PRKCA: variants seen among roughly 807,000 people sequenced by gnomAD.
The protein encoded by PRKCA is protein kinase C alpha.
A neutral mutation model predicts 87.0 loss-of-function variants in PRKCA; 27 were observed. The ratio of observed to expected loss-of-function variants is 0.31; its 90% confidence interval spans 0.23 to 0.43. The LOEUF (loss-of-function observed/expected upper bound fraction) is 0.43, where lower values mean the gene tolerates loss of function less well. PRKCA is among the 20% of genes least tolerant of loss of function. PRKCA has a pLI of 1.00. For synonymous variants in PRKCA, 329 were observed against 311.1 expected (o/e 1.06, Z -0.61); for missense variants, 518 against 852.3 (o/e 0.61, Z 4.88).
chr17:66,522,813 A>AG (rs1967209335), intron 3 of PRKCA, among the ~76,000 whole-genome samples: 1 of 151,422 alleles, frequency 6.6e-6, no homozygotes, highest in African/African-American at 2.4e-5. Flanking sequence ...GCTCACTAAA[A>AG]AAAAAAAAAA....
chr17:66,561,100 C>T (rs1466288405), intron 3 of PRKCA, among the ~76,000 whole-genome samples: 2 of 152,140 alleles, frequency 1.3e-5, no homozygotes, highest in East Asian at 3.9e-4. Context: ...TACAGTTTTC[C>T]ACAAAACATA....
In PRKCA at chr17:66,807,580, A is replaced by C. The variant is rs567465928; in HGVS notation, c.*3543A>C. On this transcript the variant is annotated 3_prime_UTR_variant, in exon 17 of 17. Transcript: ENST00000413366. This position sits in a 1 kb window ranked among gnomAD's most constrained non-coding sequence, Gnocchi z 4.3. The stretch of plus-strand genomic sequence containing the variant: ...TTCATCCACTGGCCTCGTGTGGTCC[A>C]TGCAGGGCCACTGTCTGCCCTTTCT... The C allele has an allele frequency of 6.6e-6, 1 of 152,384 alleles. No individual in the cohort carries two copies. Among genetic ancestry groups the C allele is most frequent in the East Asian group, 1.9e-4 (1 of 5,188 alleles). 9.4% of individuals were successfully genotyped at this position (152,384 alleles called of 1,614,324 possible). A position where few individuals can be genotyped will look rare whatever the true frequency, so the allele number is the denominator to read the frequency against.
intron 13 of PRKCA, among the ~76,000 whole-genome samples, chr17:66,751,794 A>C (rs560056417): frequency 6.6e-6 from 1 of 151,608 alleles, no homozygotes; most frequent in East Asian, 1.9e-4. Flanking sequence ...AAGCATGGCT[A>C]GGGGGGGTCT....
At chr17:66,545,442 A>G (rs1001760699) in intron 3 of PRKCA, among the ~76,000 whole-genome samples, 4 of 152,094 alleles carry the variant, frequency 2.6e-5, no homozygotes, top group African/African-American at 9.7e-5. Context: ...AAAACAGATA[A>G]TTTATCTACA....
rs7218998 is a variant in PRKCA, at chr17:66,434,125, G to A, written c.206-62076G>A. Among the ~76,000 whole-genome samples the A allele has an allele frequency of 9.0e-3, 1,363 of 151,904 alleles. 25 individuals are homozygous for A. Among genetic ancestry groups the A allele is most frequent in the African/African-American group, 0.031 (1,304 of 41,440 alleles). On this transcript the variant is annotated intron_variant, in intron 2 of 16. Transcript: ENST00000413366. ...TTCTTGGGCCTCTTGCTGTCACCCT[G>A]GGCTTGTCAGGTGCCAGCAGGAACT...
intron 8 of PRKCA, among the ~76,000 whole-genome samples, chr17:66,701,219 G>A (rs1298339917): frequency 6.6e-6 from 1 of 152,130 alleles, no homozygotes; most frequent in Non-Finnish European, 1.5e-5. Context: ...TGAATAAAAG[G>A]TGTTGGGAAA....
intron 3 of PRKCA, among the ~76,000 whole-genome samples, chr17:66,587,536 A>G (rs1969633687): frequency 6.6e-6 from 1 of 152,010 alleles, no homozygotes; most frequent in African/African-American, 2.4e-5. Context: ...GAGGACAGCT[A>G]GATTGCTTCC....
At chr17:66,717,776 C>A (rs1973514160) in intron 8 of PRKCA, among the ~76,000 whole-genome samples, 1 of 152,320 alleles carries the variant, frequency 6.6e-6, no homozygotes, top group East Asian at 1.9e-4. Flanking sequence ...GCATCCTAGG[C>A]AGGTCAGACT....
intron 1 of PRKCA, 85 bp downstream of exon 1, chr17:66,303,109 G>T: frequency 2.0e-6 from 3 of 1,529,516 alleles, no homozygotes; most frequent in Non-Finnish European, 8.8e-7. Context: ...CCGCCCCGGG[G>T]CTGGCTCACT....
At chr17:66,704,513 G>A (rs1223367072) in intron 8 of PRKCA, among the ~76,000 whole-genome samples, 1 of 152,140 alleles carries the variant, frequency 6.6e-6, no homozygotes. Context: ...AGTAATATTG[G>A]GATGACTGAA....
At position 66,437,731 on chromosome 17, in the gene PRKCA, T is replaced by TTTTTTTTTTTTGGG. The variant is rs55779501; in HGVS notation, c.206-58470_206-58469insTTTTTTTTTTTGGG. Among the ~76,000 whole-genome samples, 20 of 11,136 alleles carry TTTTTTTTTTTTGGG rather than the reference T, an allele frequency of 1.8e-3. 1 individual carries two copies. Among genetic ancestry groups the TTTTTTTTTTTTGGG allele is most frequent in the Non-Finnish European group, 2.1e-3 (13 of 6,108 alleles). The allele number at this position is 11,136 out of a possible 152,430, so 7.3% of individuals were successfully genotyped here. A position where few individuals can be genotyped will look rare whatever the true frequency, so the allele number is the denominator to read the frequency against. ...TTGTTTCAAGTTTCCTTTTTTTTTTTGAGCGGGGGGTGGGTGGGGCGGGGG... is the reference window on the plus strand; with the variant it reads ...TTGTTTCAAGTTTCCTTTTTTTTTTTTTTTTTTTTTTGGGGAGCGGGGGGTGGGTGGGGCGGGGG... On this transcript the variant is annotated intron_variant, in intron 2 of 16. Transcript: ENST00000413366.
intron 2 of PRKCA, among the ~76,000 whole-genome samples, chr17:66,372,829 G>A (rs1401769660): frequency 2.0e-5 from 3 of 152,130 alleles, no homozygotes; most frequent in African/African-American, 7.2e-5. Context: ...AGCCGAGGCA[G>A]GCAGATCACT....
At chr17:66,613,918 G>A (rs1970445514) in intron 3 of PRKCA, among the ~76,000 whole-genome samples, 1 of 150,038 alleles carries the variant, frequency 6.7e-6, no homozygotes, top group South Asian at 2.1e-4. Context: ...TAGTAGCTAG[G>A]ACTACAGGTG....
chr17:66,536,460 A>C (rs1967786465), intron 3 of PRKCA, among the ~76,000 whole-genome samples: 1 of 152,236 alleles, frequency 6.6e-6, no homozygotes, highest in Non-Finnish European at 1.5e-5. Context: ...GCAGTCTGGG[A>C]AAAGAAGGAT....
intron 2 of PRKCA, among the ~76,000 whole-genome samples, chr17:66,478,061 C>T (rs953675549): frequency 1.3e-5 from 2 of 152,090 alleles, no homozygotes; most frequent in Admixed American, 6.5e-5. Flanking sequence ...CTGTGCTTTT[C>T]GCCAAAGATG....
intron 2 of PRKCA, among the ~76,000 whole-genome samples, chr17:66,366,609 G>T (rs568927703): frequency 6.6e-6 from 1 of 152,274 alleles, no homozygotes; most frequent in African/African-American, 2.4e-5. Context: ...GTTTGAAGGG[G>T]TGAGCTAGCA....
chr17:66,505,231 C>T (rs1202448433), intron 3 of PRKCA, among the ~76,000 whole-genome samples: 3 of 152,102 alleles, frequency 2.0e-5, no homozygotes, highest in Non-Finnish European at 4.4e-5. Flanking sequence ...AAATAGCCTC[C>T]GAGACTTCTA....
chr17:66,580,188 T>C (rs1245535049), intron 3 of PRKCA, among the ~76,000 whole-genome samples: 2 of 152,252 alleles, frequency 1.3e-5, no homozygotes, highest in Non-Finnish European at 2.9e-5. Context: ...CTGTGGCTGA[T>C]ACTTTACTCA....
intron 3 of PRKCA, among the ~76,000 whole-genome samples, chr17:66,572,590 C>T (rs922419349): frequency 2.6e-5 from 4 of 152,204 alleles, no homozygotes; most frequent in African/African-American, 9.6e-5. Context: ...GCCTTAATCT[C>T]CTGGGCTCAA....
Sources: allele counts gnomAD v4.1 joint callset (sites outside exome capture counted in the v4.1 genomes callset), GRCh38; gene constraint gnomAD v4.1.1; non-coding constraint Gnocchi (gnomAD v3.1); transcripts MANE v1.5; gene names NCBI Gene and HGNC (gene_info 2026-07-23, HGNC 2026-07-21).